The following KYNU variants were observed in gnomAD, a reference collection of about 807,000 sequenced individuals.
The protein encoded by KYNU is L-kynurenine hydrolase.
Under a neutral mutation model 59.2 loss-of-function variants are expected in KYNU, and 54 were observed. The observed-to-expected ratio is 0.91, with a 90% CI of 0.73 to 1.14. The LOEUF is 1.14. KYNU is among the 50% of genes most tolerant of loss of function. The pLI, the probability that KYNU is intolerant of heterozygous loss-of-function variation, is 0.00. For synonymous variants in KYNU, 177 were observed against 192.0 expected, an observed-to-expected ratio of 0.92 and a Z score of 0.65; for missense variants, 567 against 554.4, an observed-to-expected ratio of 1.02 and a Z score of -0.23.
intron 2 of KYNU, among the ~76,000 whole-genome samples, chr2:142,886,830 T>C (rs1223036023): frequency 6.6e-6 from 1 of 152,150 alleles, no homozygotes; most frequent in Non-Finnish European, 1.5e-5. Flanking sequence ...CCTGATGTGC[T>C]CTCTGGCCTA....
At chr2:142,958,124 C>T (rs1374860343) in intron 7 of KYNU, 1 of 215,322 alleles carries the variant, frequency 4.6e-6, no homozygotes, top group Non-Finnish European at 9.2e-6. Flanking sequence ...CCCTCTTACT[C>T]TAAGTATCAA....
chr2:142,881,909 CTTTTTTCTTTTTTT>C, intron 1 of KYNU, among the ~76,000 whole-genome samples: 1 of 124,662 alleles, frequency 8.0e-6, no homozygotes, highest in East Asian at 2.4e-4. Context: ...CTTTTCTTTT[CTTTTTTCTTTTTTT>C]TTTTTTTTTT....
At position 143,047,901 on chromosome 2, in the gene KYNU, C is replaced by G. The variant is rs1687193477; in HGVS notation, c.*5729C>G. The stretch of plus-strand genomic sequence containing the variant: ...TTTGAGGCAGTCTCTCTCTGTCACC[C>G]AGGCTGGAGTATAGTGGCACGATCT... On this transcript the variant is annotated 3_prime_UTR_variant, in exon 14 of 14. Transcript: ENST00000264170. 7.2e-6 allele frequency: 1 copy of G among 139,592 alleles called. No individual in the cohort carries two copies. The highest frequency in any genetic ancestry group is 1.5e-5 in the Non-Finnish European group (1 of 65,752). 8.6% of individuals were successfully genotyped at this position (139,592 alleles called of 1,614,324 possible).
chr2:143,048,804 T>C lies in KYNU; in HGVS notation c.*6632T>C, dbSNP rs1687213096. ...AAATCAGAACCACAATGAGATGCCATCTCATGCCAGTCAGAATGGCAATCA... is the reference window on the plus strand; with the variant it reads ...AAATCAGAACCACAATGAGATGCCACCTCATGCCAGTCAGAATGGCAATCA... On this transcript the variant is annotated 3_prime_UTR_variant, in exon 14 of 14. Coordinates refer to ENST00000264170, the MANE Select transcript of KYNU (RefSeq NM_003937.3). 1 of 152,158 alleles carries C rather than the reference T, an allele frequency of 6.6e-6. No individual in the cohort carries two copies. Among genetic ancestry groups the C allele is most frequent in the South Asian group, 2.1e-4 (1 of 4,826 alleles). The allele number at this position is 152,158 out of a possible 1,614,324, so 9.4% of individuals were successfully genotyped here. A position where few individuals can be genotyped will look rare whatever the true frequency, so the allele number is the denominator to read the frequency against.
chr2:143,010,444 C>T (rs1336437283), intron 10 of KYNU, among the ~76,000 whole-genome samples: 1 of 108,798 alleles, frequency 9.2e-6, no homozygotes, highest in Non-Finnish European at 1.8e-5. Flanking sequence ...ATTCCATGCT[C>T]ATGGGTAGGA....
intron 2 of KYNU, among the ~76,000 whole-genome samples, chr2:142,886,136 T>C (rs892843961): frequency 1.3e-5 from 2 of 152,106 alleles, no homozygotes; most frequent in African/African-American, 4.8e-5. Context: ...AAATAAAACA[T>C]AAGTAGCAAA....
At chr2:143,038,868 A>T (rs1686960776) in intron 12 of KYNU, among the ~76,000 whole-genome samples, 1 of 152,084 alleles carries the variant, frequency 6.6e-6, no homozygotes, top group Admixed American at 6.6e-5. Context: ...TCACCAAATG[A>T]CCCTATCTTT....
intron 6 of KYNU, among the ~76,000 whole-genome samples, chr2:142,957,328 A>C (rs761359160): frequency 4.6e-5 from 7 of 152,084 alleles, no homozygotes; most frequent in African/African-American, 1.2e-4. Flanking sequence ...AGTCCCTACT[A>C]TTCATTTTGC....
At chr2:142,905,947 C>G (rs1682277776) in intron 2 of KYNU, among the ~76,000 whole-genome samples, 1 of 152,126 alleles carries the variant, frequency 6.6e-6, no homozygotes, top group African/African-American at 2.4e-5. Context: ...ATAGGGCACA[C>G]TGTTTTTCTT....
At chr2:142,975,491 A>C (rs952281036) in intron 8 of KYNU, among the ~76,000 whole-genome samples, 1 of 152,156 alleles carries the variant, frequency 6.6e-6, no homozygotes, top group Non-Finnish European at 1.5e-5. Flanking sequence ...CTGACTCCAC[A>C]CTGAGCTTGT....
intron 10 of KYNU, among the ~76,000 whole-genome samples, chr2:143,004,800 A>G (rs1290768390): frequency 6.6e-6 from 1 of 152,176 alleles, no homozygotes; most frequent in Non-Finnish European, 1.5e-5. Context: ...ACTAGGTACT[A>G]CTAACTTAAG....
chr2:142,900,241 C>T (rs563852172), intron 2 of KYNU, among the ~76,000 whole-genome samples: 33 of 152,316 alleles, frequency 2.2e-4, no homozygotes, highest in Admixed American at 4.6e-4. Context: ...ACAGTGAACA[C>T]ACTGCTGGAT....
At chr2:142,981,975 C>T (rs558294357) in intron 8 of KYNU, among the ~76,000 whole-genome samples, 33 of 152,142 alleles carry the variant, frequency 2.2e-4, no homozygotes, top group South Asian at 1.2e-3. Context: ...TGAGACTGGC[C>T]GTGATCCAAA....
Position 143,043,731 on chromosome 2 carries a change from T to C in KYNU, c.*1559T>C, listed in dbSNP as rs1037835497. The C allele has an allele frequency of 1.4e-5, 2 of 146,604 alleles. No homozygotes were observed. Among genetic ancestry groups the C allele is most frequent in the Non-Finnish European group, 1.5e-5 (1 of 66,932 alleles). The allele number at this position is 146,604 out of a possible 1,614,324, so 9.1% of individuals were successfully genotyped here. The stretch of plus-strand genomic sequence containing the variant: ...GGATTCATATACATATATAAAAATA[T>C]ATATAAATATATATACTTTATATAT... On this transcript the variant is annotated 3_prime_UTR_variant, in exon 14 of 14. Coordinates refer to ENST00000264170, the MANE Select transcript of KYNU (RefSeq NM_003937.3).
rs184908136 is a variant in KYNU, at chr2:143,003,235, G to C, written c.902+17214G>C. Among the ~76,000 whole-genome samples, 73 of 152,194 alleles carry C rather than the reference G, an allele frequency of 4.8e-4. 1 individual carries two copies. The highest frequency in any genetic ancestry group is 1.7e-3 in the African/African-American group (70 of 41,522). Reference sequence around the variant, plus strand: ...TATCTGTTCAAATTAACTTAAGATAGCTGTCCAATCCTGATTCTGATATTT... The same window carrying C: ...TATCTGTTCAAATTAACTTAAGATACCTGTCCAATCCTGATTCTGATATTT... On this transcript the variant is annotated intron_variant, in intron 10 of 13. Transcript: ENST00000264170.
At chr2:142,953,969 A>G (rs2105081862) in intron 4 of KYNU, 1 of 152,294 alleles carries the variant, frequency 6.6e-6, no homozygotes, top group South Asian at 2.1e-4. Flanking sequence ...TGGATAAGGT[A>G]CACATCTCAT....
At chr2:142,879,928 T>C (rs1215557412) in intron 1 of KYNU, among the ~76,000 whole-genome samples, 1 of 151,634 alleles carries the variant, frequency 6.6e-6, no homozygotes, top group Non-Finnish European at 1.5e-5. Flanking sequence ...TCACCTCCAA[T>C]CAACTCAAAG....
intron 4 of KYNU, 74 bp from the exon 5 acceptor site, chr2:142,954,736 G>T (rs557501210): frequency 1.1e-6 from 1 of 929,136 alleles, no homozygotes; most frequent in South Asian, 1.3e-5. Context: ...ATTGAGTGAA[G>T]TCTTCCTACT....
chr2:142,908,463 G>A (rs561068217), intron 2 of KYNU, among the ~76,000 whole-genome samples: 5 of 150,340 alleles, frequency 3.3e-5, no homozygotes, highest in Non-Finnish European at 7.4e-5. Flanking sequence ...CCAGGCCTCT[G>A]AAGTGAGTTC....
Sources: gnomAD v4.1 joint callset for allele counts (sites outside exome capture counted in the v4.1 genomes callset) on GRCh38, gnomAD v4.1.1 for gene constraint, MANE v1.5 for transcripts, NCBI Gene and HGNC (gene_info 2026-07-23, HGNC 2026-07-21) for gene names.